The following CYRIA variants were observed in gnomAD, a reference collection of about 807,000 sequenced individuals.
CYRIA encodes CYFIP related Rac1 interactor A.
A neutral mutation model predicts 43.9 loss-of-function variants in CYRIA; 15 were observed. That is an observed-to-expected ratio of 0.34 (90% CI 0.23 to 0.53). CYRIA has a LOEUF of 0.53. Ranked by LOEUF, CYRIA falls within the 20% of genes least tolerant of loss-of-function variation. The probability of loss-of-function intolerance (pLI) is 0.94; values close to 1 mark genes in which losing one functional copy is unlikely to be tolerated. For synonymous variants in CYRIA, 117 were observed against 136.0 expected (o/e 0.86, Z 0.97); for missense variants, 236 against 394.2 (o/e 0.60, Z 3.40).
chr2:16,658,590 G>C lies in CYRIA; in HGVS notation c.-167+7190C>G, dbSNP rs561839243. Among the ~76,000 whole-genome samples, 331 of 152,320 alleles carry C rather than the reference G, an allele frequency of 2.2e-3. 1 individual carries two copies. The highest frequency in any genetic ancestry group is 3.9e-3 in the Non-Finnish European group (262 of 68,026). Reference sequence around the variant, plus strand: ...TTCAAGGAGCAGATGTCACTTGTCTGGATTTCAGAGAGCTGTGGTAGCTGA... The same window carrying C: ...TTCAAGGAGCAGATGTCACTTGTCTCGATTTCAGAGAGCTGTGGTAGCTGA... On this transcript the variant is annotated intron_variant, in intron 1 of 11. Coordinates refer to ENST00000381323, the MANE Select transcript of CYRIA (RefSeq NM_030797.4).
rs201128677 is a variant in CYRIA, at chr2:16,559,612, G to A, written c.711-26C>T. 7.8e-5 allele frequency: 125 copies of A among 1,607,286 alleles called. No individual in the cohort carries two copies. In the Middle Eastern group the frequency reaches 1.0e-3, roughly 13 times the overall value. On this transcript the variant is annotated intron_variant, in intron 9 of 11. Coordinates refer to ENST00000381323, the MANE Select transcript of CYRIA (RefSeq NM_030797.4). ...CTGCAAGAGAAGAAACAGCAGTGGC[G>A]TCACTTCCTTGTCAGAACATGTGCG...
At chr2:16,616,630 A>G (rs572101625) in intron 2 of CYRIA, among the ~76,000 whole-genome samples, 5 of 152,346 alleles carry the variant, frequency 3.3e-5, no homozygotes, top group African/African-American at 7.2e-5. Context: ...TTGCAACTCA[A>G]TCATCCAGGA....
intron 1 of CYRIA, among the ~76,000 whole-genome samples, chr2:16,633,440 G>A (rs757451815): frequency 6.6e-6 from 1 of 151,298 alleles, no homozygotes; most frequent in East Asian, 1.9e-4. Context: ...TTGAGACAGG[G>A]TCTCGTTCTG....
At chr2:16,627,265 TC>T (rs1401680994) in intron 1 of CYRIA, among the ~76,000 whole-genome samples, 1 of 145,988 alleles carries the variant, frequency 6.8e-6, no homozygotes, top group African/African-American at 2.7e-5. Context: ...GTCCCCACCC[TC>T]CGGGGTGGGC....
chr2:16,648,928 G>T (rs971560858), intron 1 of CYRIA, among the ~76,000 whole-genome samples: 1 of 151,994 alleles, frequency 6.6e-6, no homozygotes, highest in Non-Finnish European at 1.5e-5. Flanking sequence ...AGAACATAAT[G>T]TTCACACCGT....
chr2:16,655,727 C>T (rs1670093556), intron 1 of CYRIA, among the ~76,000 whole-genome samples: 1 of 152,106 alleles, frequency 6.6e-6, no homozygotes, highest in Non-Finnish European at 1.5e-5. Flanking sequence ...AATCTTTTTC[C>T]TACTTTCCCC....
intron 10 of CYRIA, 130 bp downstream of exon 10, chr2:16,559,330 C>T (rs906609134): frequency 2.7e-6 from 3 of 1,106,074 alleles, no homozygotes; most frequent in Admixed American, 2.5e-5. Context: ...GGACAGCTGC[C>T]AGGATGGGCT....
chr2:16,567,833 A>C (rs1302114396), intron 3 of CYRIA, among the ~76,000 whole-genome samples: 3 of 152,218 alleles, frequency 2.0e-5, no homozygotes, highest in Admixed American at 2.0e-4. Context: ...GACTCAGAGA[A>C]AGAGAAGATG....
intron 1 of CYRIA, among the ~76,000 whole-genome samples, chr2:16,625,239 C>T (rs1014079661): frequency 6.6e-6 from 1 of 152,086 alleles, no homozygotes; most frequent in Admixed American, 6.6e-5. Context: ...CTCCCAGGCC[C>T]CCAGAGGCTG....
intron 2 of CYRIA, among the ~76,000 whole-genome samples, chr2:16,599,477 TGG>T (rs1668121029): frequency 1.1e-5 from 1 of 91,288 alleles, no homozygotes; most frequent in Admixed American, 1.2e-4. Context: ...AATATTCGGG[TGG>T]GAGTGACCCG....
chr2:16,627,549 C>T lies in CYRIA; in HGVS notation c.-166-3530G>A, dbSNP rs149471959. Among the ~76,000 whole-genome samples the T allele has an allele frequency of 2.1e-4, 32 of 152,336 alleles. No homozygotes were observed. The East Asian group carries it at 2.3e-3, about 11-fold the overall frequency. On this transcript the variant is annotated intron_variant, in intron 1 of 11. Transcript: ENST00000381323. ...TTGTCCCCTTTTACAGAAGAGGTAACTGAGGCACAAAATGATTAAGTCACT... is the reference window on the plus strand; with the variant it reads ...TTGTCCCCTTTTACAGAAGAGGTAATTGAGGCACAAAATGATTAAGTCACT...
At chr2:16,557,060 T>C (rs1299187411) in intron 10 of CYRIA, among the ~76,000 whole-genome samples, 3 of 152,088 alleles carry the variant, frequency 2.0e-5, no homozygotes, top group Non-Finnish European at 2.9e-5. Context: ...AGACAGGGGT[T>C]AAGAGGTGAT....
chr2:16,593,030 G>A (rs954132269), intron 2 of CYRIA, among the ~76,000 whole-genome samples: 2 of 152,138 alleles, frequency 1.3e-5, no homozygotes, highest in African/African-American at 4.8e-5. Flanking sequence ...ACAACAGTAC[G>A]ATAATAGTAT....
At position 16,629,110 on chromosome 2, in the gene CYRIA, C is replaced by T. The variant is rs375004956; in HGVS notation, c.-166-5091G>A. 8.5e-5 allele frequency among the ~76,000 whole-genome samples: 10 copies of T among 117,838 alleles called. No homozygotes were observed. The South Asian group carries it at 2.1e-3, about 24-fold the overall frequency. The allele number at this position is 117,838 out of a possible 152,430, so 77.3% of individuals were successfully genotyped here. A position where few individuals can be genotyped will look rare whatever the true frequency, so the allele number is the denominator to read the frequency against. ...GAGACAAGCAGATGGGAAACCAGCA[C>T]GGGAATACAGCTGCCACCACTACTG... On this transcript the variant is annotated intron_variant, in intron 1 of 11. Transcript: ENST00000381323.
At chr2:16,585,908 C>A (rs1558414477) in intron 3 of CYRIA, among the ~76,000 whole-genome samples, 1 of 152,094 alleles carries the variant, frequency 6.6e-6, no homozygotes, top group East Asian at 1.9e-4. Context: ...TAAATCCCTG[C>A]AAATTCTACT....
At chr2:16,574,684 A>G (rs1236333499) in intron 3 of CYRIA, among the ~76,000 whole-genome samples, 2 of 152,220 alleles carry the variant, frequency 1.3e-5, no homozygotes, top group Non-Finnish European at 2.9e-5. Context: ...GTCCCAAGCC[A>G]TGGTGGCTCA....
intron 2 of CYRIA, among the ~76,000 whole-genome samples, chr2:16,589,533 CCT>C (rs1351256793): frequency 6.6e-6 from 1 of 152,074 alleles, no homozygotes; most frequent in African/African-American, 2.4e-5. Context: ...TTTTCTACTA[CCT>C]CTGTTATCCA....
At chr2:16,605,168 A>C (rs1668355129) in intron 2 of CYRIA, among the ~76,000 whole-genome samples, 1 of 152,230 alleles carries the variant, frequency 6.6e-6, no homozygotes, top group African/African-American at 2.4e-5. Context: ...TTGAACAATT[A>C]AGTGCAGGTT....
chr2:16,638,252 A>G (rs1669561383), intron 1 of CYRIA, among the ~76,000 whole-genome samples: 1 of 152,214 alleles, frequency 6.6e-6, no homozygotes, highest in Non-Finnish European at 1.5e-5. Flanking sequence ...TTCAGAGAAC[A>G]AGGTATGGTA....
Sources: allele counts gnomAD v4.1 joint callset (sites outside exome capture counted in the v4.1 genomes callset), GRCh38; gene constraint gnomAD v4.1.1; transcripts MANE v1.5; gene names NCBI Gene and HGNC (gene_info 2026-07-23, HGNC 2026-07-21).